DTNB: variants seen among roughly 807,000 people sequenced by gnomAD.
DTNB encodes DTN-B.
In DTNB, 63 loss-of-function variants were observed where a neutral mutation model predicts 90.7. That is an observed-to-expected ratio of 0.69 (90% CI 0.57 to 0.86). DTNB has a LOEUF of 0.86. Ranked by LOEUF, DTNB falls within the 40% of genes least tolerant of loss-of-function variation. The pLI, the probability that DTNB is intolerant of heterozygous loss-of-function variation, is 0.00. For synonymous variants in DTNB, 277 were observed against 286.7 expected (o/e 0.97, Z 0.34); for missense variants, 744 against 807.1 (o/e 0.92, Z 0.95).
chr2:25,671,831 T>C (rs2085982061), intron 1 of DTNB, among the ~76,000 whole-genome samples: 1 of 152,150 alleles, frequency 6.6e-6, no homozygotes, highest in Non-Finnish European at 1.5e-5. Flanking sequence ...CCCAGGTTAC[T>C]GAAACAGCAG....
intron 8 of DTNB, among the ~76,000 whole-genome samples, chr2:25,561,204 T>C (rs371151853): frequency 1.3e-4 from 20 of 152,184 alleles, no homozygotes; most frequent in African/African-American, 4.8e-4. Flanking sequence ...CCAAGCTCCA[T>C]GTCTACATTT....
intron 9 of DTNB, among the ~76,000 whole-genome samples, chr2:25,487,183 A>G (rs2066383687): frequency 6.6e-6 from 1 of 152,224 alleles, no homozygotes; most frequent in Non-Finnish European, 1.5e-5. Context: ...GATGGAGACA[A>G]ACATGCAAGC....
intron 9 of DTNB, among the ~76,000 whole-genome samples, chr2:25,514,533 T>C (rs777029794): frequency 6.9e-6 from 1 of 145,932 alleles, no homozygotes; most frequent in Non-Finnish European, 1.5e-5. Flanking sequence ...CTGGGTTATG[T>C]CATAGGACAA....
At chr2:25,552,521 T>G (rs961533607) in intron 8 of DTNB, among the ~76,000 whole-genome samples, 1 of 152,198 alleles carries the variant, frequency 6.6e-6, no homozygotes, top group African/African-American at 2.4e-5. Context: ...CAGCAACTAC[T>G]TCCAAGCAAG....
intron 4 of DTNB, among the ~76,000 whole-genome samples, chr2:25,616,629 G>GGAAAAAAAAA (rs2070616096): frequency 3.5e-4 from 2 of 5,788 alleles, no homozygotes; most frequent in Non-Finnish European, 9.8e-4. Context: ...GCTATTTATA[G>GGAAAAAAAAA]TAAAAAAAAA....
intron 16 of DTNB, among the ~76,000 whole-genome samples, chr2:25,411,554 A>G (rs912774225): frequency 8.5e-5 from 13 of 152,102 alleles, no homozygotes; most frequent in African/African-American, 3.1e-4. Context: ...GTCTATGCAC[A>G]TATCCTGGGA....
chr2:25,490,648 TC>T (rs1406049022), intron 9 of DTNB, among the ~76,000 whole-genome samples: 1 of 152,120 alleles, frequency 6.6e-6, no homozygotes, highest in African/African-American at 2.4e-5. Context: ...CCATGGTATA[TC>T]CATAATTATA....
In DTNB at chr2:25,580,839, G is replaced by T; in HGVS notation, c.604-13C>A. On this transcript the variant is annotated splice_polypyrimidine_tract_variant and intron_variant, in intron 6 of 20. Coordinates refer to ENST00000406818, the MANE Select transcript of DTNB (RefSeq NM_021907.5). ...GCATTATCTTTCTCTGTAAAGAGAAGAAAAACAAACATACTTTAAGTTTTT... is the reference window on the plus strand; with the variant it reads ...GCATTATCTTTCTCTGTAAAGAGAATAAAAACAAACATACTTTAAGTTTTT... 1.3e-6 allele frequency: 2 copies of T among 1,592,600 alleles called. No homozygotes were observed. Among genetic ancestry groups the T allele is most frequent in the South Asian group, 2.3e-5 (2 of 88,034 alleles).
rs569598277 is a variant in DTNB, at chr2:25,424,557, T to G, written c.1554+2978A>C. Among the ~76,000 whole-genome samples the G allele has an allele frequency of 6.6e-6, 1 of 152,120 alleles. No homozygotes were observed. The highest frequency in any genetic ancestry group is 1.5e-5 in the Non-Finnish European group (1 of 68,006). ...TGCAGTTTACATAAACCTTTTGCCT[T>G]TTACAAAAATCACACTGGGGCACTG... is the stretch of plus-strand genomic sequence containing the variant. On this transcript the variant is annotated intron_variant, in intron 15 of 20. Transcript: ENST00000406818. This position sits in a 1 kb window ranked among gnomAD's most constrained non-coding sequence, Gnocchi z 4.1.
chr2:25,455,860 C>A (rs959720458), intron 10 of DTNB, among the ~76,000 whole-genome samples: 1 of 152,222 alleles, frequency 6.6e-6, no homozygotes, highest in African/African-American at 2.4e-5. Flanking sequence ...TGAGGCACAG[C>A]CAATCTACTA....
intron 20 of DTNB, among the ~76,000 whole-genome samples, chr2:25,378,438 T>C (rs2036505075): frequency 6.6e-6 from 1 of 152,098 alleles, no homozygotes; most frequent in African/African-American, 2.4e-5. Context: ...CCTGGCGCGG[T>C]TGGGCAGAGA....
rs534128397 is a variant in DTNB at position 25,576,980 on chromosome 2, T to C, written c.734A>G (p.Tyr245Cys). The C allele has an allele frequency of 1.4e-5, 23 of 1,609,082 alleles. No homozygotes were observed. Among genetic ancestry groups the C allele is most frequent in the Non-Finnish European group, 1.7e-5 (20 of 1,177,932 alleles). ...ACCCATCATACTCTCACATCGGCAG[T>C]AGGAGCACTCCACGGGATGGAAGAC... ...ENVFHPVECSYCRCESMMGFR... is the reference protein window; with the variant it reads ...ENVFHPVECSCCRCESMMGFR... Residue 245 changes from tyrosine (Y) to cysteine (C), a missense_variant, in exon 8 of 21, where the codon TAC becomes TGC. By Grantham distance (194) the Tyr-to-Cys change is radical (BLOSUM62 -2). Transcript: ENST00000406818.
At chr2:25,418,696 C>T (rs1342245998) in intron 16 of DTNB, among the ~76,000 whole-genome samples, 3 of 143,698 alleles carry the variant, frequency 2.1e-5, no homozygotes, top group African/African-American at 7.9e-5. Context: ...GAGACACCGT[C>T]TCAAAAAAAA....
At chr2:25,631,044 G>A (rs1480472638) in intron 3 of DTNB, among the ~76,000 whole-genome samples, 1 of 152,062 alleles carries the variant, frequency 6.6e-6, no homozygotes, top group African/African-American at 2.4e-5. Context: ...TGCCAGAGCT[G>A]GGAGATGAAG....
chr2:25,460,778 G>A (rs2060807851), intron 10 of DTNB, among the ~76,000 whole-genome samples: 1 of 152,156 alleles, frequency 6.6e-6, no homozygotes, highest in African/African-American at 2.4e-5. Context: ...TGTTTGAAAG[G>A]AAATGGCAGA....
chr2:25,417,593 C>CAG (rs940520629), intron 16 of DTNB, among the ~76,000 whole-genome samples: 1 of 152,134 alleles, frequency 6.6e-6, no homozygotes, highest in Admixed American at 6.5e-5. Context: ...CTGGCACACG[C>CAG]AGAGAGAGAT....
chr2:25,666,541 A>G lies in DTNB; in HGVS notation c.-2+6845T>C, dbSNP rs11896736. Among the ~76,000 whole-genome samples, 70 of 152,336 alleles carry G rather than the reference A, an allele frequency of 4.6e-4. 1 individual carries two copies. The highest frequency in any genetic ancestry group is 1.7e-3 in the African/African-American group (70 of 41,586). On this transcript the variant is annotated intron_variant, in intron 1 of 20. Coordinates refer to ENST00000406818, the MANE Select transcript of DTNB (RefSeq NM_021907.5). ...TAACAAAGAAAAAAGTCTTTGTATA[A>G]AGTTGAGAAAGGAGCTTGGCTAATT... is the stretch of plus-strand genomic sequence containing the variant.
intron 16 of DTNB, among the ~76,000 whole-genome samples, chr2:25,389,749 A>G (rs138308137): frequency 9.1e-4 from 138 of 152,310 alleles, no homozygotes; most frequent in Admixed American, 3.5e-3. Flanking sequence ...ACAGGTGGAC[A>G]GGCTGGACGC....
At chr2:25,532,678 A>G (rs1292380600) in intron 8 of DTNB, among the ~76,000 whole-genome samples, 1 of 152,192 alleles carries the variant, frequency 6.6e-6, no homozygotes, top group Non-Finnish European at 1.5e-5. Flanking sequence ...CGTCCACCCA[A>G]TTCCCCTAAA....
Sources: allele counts gnomAD v4.1 joint callset (sites outside exome capture counted in the v4.1 genomes callset), GRCh38; gene constraint gnomAD v4.1.1; non-coding constraint Gnocchi (gnomAD v3.1); transcripts MANE v1.5; gene names NCBI Gene and HGNC (gene_info 2026-07-23, HGNC 2026-07-21).